The following SNX27 variants were observed in gnomAD, a reference collection of about 807,000 sequenced individuals.
SNX27 encodes the protein sorting nexin 27, also known as sorting nexin-27.
Under a neutral mutation model 71.6 loss-of-function variants are expected in SNX27, and 22 were observed. The ratio of observed to expected loss-of-function variants is 0.31; its 90% CI spans 0.22 to 0.44. The LOEUF is 0.44. Among genes scored for constraint, SNX27 ranks in the 20% least tolerant of loss-of-function variants. The pLI is 1.00. For synonymous variants in SNX27, 269 were observed against 277.2 expected, an observed-to-expected ratio of 0.97 and a Z score of 0.29; for missense variants, 531 against 698.6, an observed-to-expected ratio of 0.76 and a Z score of 2.70.
At chr1:151,687,847 CTG>C (rs1371414436) in intron 8 of SNX27, among the ~76,000 whole-genome samples, 1 of 151,390 alleles carries the variant, frequency 6.6e-6, no homozygotes, top group African/African-American at 2.4e-5. Context: ...ACTCAGGAGA[CTG>C]GGGCAGGAGA....
rs1667251752 is a variant in SNX27 at position 151,612,878 on chromosome 1, C to T, written c.311+366C>T. 6.6e-6 allele frequency among the ~76,000 whole-genome samples: 1 copy of T among 152,128 alleles called. No individual in the cohort carries two copies. The highest frequency in any genetic ancestry group is 6.5e-5 in the Admixed American group (1 of 15,278). On this transcript the variant is annotated intron_variant, in intron 1 of 11. Coordinates refer to ENST00000458013, the MANE Select transcript of SNX27 (RefSeq NM_001330723.2). This position sits in a 1 kb window ranked among gnomAD's most constrained non-coding sequence, Gnocchi z 5.2. The stretch of plus-strand genomic sequence containing the variant: ...TGCTCAGAAGGAACCTCATCTGCTC[C>T]TTACTGACGGCGTTTCGTTTTCTGA...
intron 1 of SNX27, among the ~76,000 whole-genome samples, chr1:151,622,499 TTTAC>T (rs1667721514): frequency 6.6e-6 from 1 of 152,206 alleles, no homozygotes; most frequent in Non-Finnish European, 1.5e-5. Context: ...CCTTTGATGA[TTTAC>T]TTGACTTGCA....
intron 7 of SNX27, among the ~76,000 whole-genome samples, chr1:151,681,233 A>ATAT (rs1558071789): frequency 1.1e-5 from 1 of 87,382 alleles, no homozygotes; most frequent in Non-Finnish European, 2.2e-5. Context: ...TAGTCTCTCA[A>ATAT]TCTTTTTTTT....
chr1:151,643,707 C>T lies in SNX27; in HGVS notation c.543+4588C>T, dbSNP rs551231927. Among the ~76,000 whole-genome samples, 4 of 152,080 alleles carry T rather than the reference C, an allele frequency of 2.6e-5. No homozygotes were observed. In the South Asian group the frequency reaches 8.3e-4, roughly 32 times the overall value. On this transcript the variant is annotated intron_variant, in intron 2 of 11. Coordinates refer to ENST00000458013, the MANE Select transcript of SNX27 (RefSeq NM_001330723.2). ...CAGAGTTTCGCTCTTGTTGCTCAGGCTAGAGTGCAATAGTGCAATCTCGGC... is the reference window on the plus strand; with the variant it reads ...CAGAGTTTCGCTCTTGTTGCTCAGGTTAGAGTGCAATAGTGCAATCTCGGC...
chr1:151,662,157 T>C lies in SNX27; in HGVS notation c.802-9T>C, dbSNP rs757941372. On this transcript the variant is annotated splice_polypyrimidine_tract_variant and intron_variant, in intron 4 of 11. Coordinates refer to ENST00000458013, the MANE Select transcript of SNX27 (RefSeq NM_001330723.2). Reference sequence around the variant, plus strand: ...GCCATAAATTATTTCTCTATGTCTTTTCCCCCAGAACTACAATGGTGTGTC... The same window carrying C: ...GCCATAAATTATTTCTCTATGTCTTCTCCCCCAGAACTACAATGGTGTGTC... 2.5e-6 allele frequency: 4 copies of C among 1,603,780 alleles called. No homozygotes were observed. The highest frequency in any genetic ancestry group is 3.4e-6 in the Non-Finnish European group (4 of 1,171,042).
chr1:151,681,233 A>ATTTT (rs1558071789), intron 7 of SNX27, among the ~76,000 whole-genome samples: 1 of 87,376 alleles, frequency 1.1e-5, no homozygotes, highest in African/African-American at 5.0e-5. Context: ...TAGTCTCTCA[A>ATTTT]TCTTTTTTTT....
intron 1 of SNX27, among the ~76,000 whole-genome samples, chr1:151,635,032 G>A (rs1465095558): frequency 6.6e-6 from 1 of 152,160 alleles, no homozygotes; most frequent in Non-Finnish European, 1.5e-5. Context: ...GAACCCCATT[G>A]TCATTGGTTG....
At chr1:151,619,834 A>G (rs1667593308) in intron 1 of SNX27, among the ~76,000 whole-genome samples, 1 of 152,212 alleles carries the variant, frequency 6.6e-6, no homozygotes, top group Non-Finnish European at 1.5e-5. Context: ...CTTGGCTTGT[A>G]TGAGTCACAG....
In SNX27 at chr1:151,668,511, A is replaced by G. The variant is rs954363272; in HGVS notation, c.1025A>G (p.Tyr342Cys). The G allele has an allele frequency of 5.0e-6, 8 of 1,613,644 alleles. No individual in the cohort carries two copies. Among genetic ancestry groups the G allele is most frequent in the African/African-American group, 1.3e-5 (1 of 74,938 alleles). ...LAPNEFPHKL[Y>C]IQNYTSAVPG... ...CCTAATGAGTTTCCTCACAAACTCT[A>G]CATTCAGAATTATACATCAGCTGTG... The change falls in exon 7 of 12, where the codon TAC (tyrosine) becomes TGC (cysteine). Residue 342 changes from tyrosine (Y) to cysteine (C), a missense_variant. Physicochemically the swap from Tyr to Cys is radical, Grantham distance 194. Coordinates refer to ENST00000458013, the MANE Select transcript of SNX27 (RefSeq NM_001330723.2).
In SNX27 at chr1:151,698,540, G is replaced by A. The variant is rs539779231; in HGVS notation, c.*4123G>A. 3 of 152,438 alleles carry A rather than the reference G, an allele frequency of 2.0e-5. No homozygotes were observed. The highest frequency in any genetic ancestry group is 7.2e-5 in the African/African-American group (3 of 41,578). The allele number at this position is 152,438 out of a possible 1,614,324, so 9.4% of individuals were successfully genotyped here. ...TGATGTGATAGAACACTCAGAGAGAGGGAGGGAGAAGAGAGATAGTGGGTA... is the reference window on the plus strand; with the variant it reads ...TGATGTGATAGAACACTCAGAGAGAAGGAGGGAGAAGAGAGATAGTGGGTA... On this transcript the variant is annotated 3_prime_UTR_variant, in exon 12 of 12. Coordinates refer to ENST00000458013, the MANE Select transcript of SNX27 (RefSeq NM_001330723.2).
chr1:151,625,880 A>C (rs1667906489), intron 1 of SNX27, among the ~76,000 whole-genome samples: 1 of 151,740 alleles, frequency 6.6e-6, no homozygotes, highest in Non-Finnish European at 1.5e-5. Flanking sequence ...CCTGGGAGGC[A>C]GAGGTTGTAG....
At chr1:151,687,340 T>C (rs1168078229) in intron 8 of SNX27, among the ~76,000 whole-genome samples, 1 of 152,214 alleles carries the variant, frequency 6.6e-6, no homozygotes, top group Non-Finnish European at 1.5e-5. Context: ...TGGAAGACAC[T>C]TTTGAAGCTG....
chr1:151,651,969 G>A (rs1490971244), intron 2 of SNX27, among the ~76,000 whole-genome samples: 1 of 152,190 alleles, frequency 6.6e-6, no homozygotes, highest in Non-Finnish European at 1.5e-5. Flanking sequence ...GGAGGCCGAG[G>A]CTGGCGGATC....
chr1:151,684,372 G>A (rs1482319698), intron 8 of SNX27, among the ~76,000 whole-genome samples: 1 of 152,182 alleles, frequency 6.6e-6, no homozygotes, highest in Non-Finnish European at 1.5e-5. Flanking sequence ...TAGCATATTG[G>A]ACTGTGCAGG....
intron 5 of SNX27, 69 bp downstream of exon 5, chr1:151,662,339 C>A: frequency 2.0e-6 from 2 of 993,234 alleles, no homozygotes; most frequent in South Asian, 1.4e-5. Context: ...TTAAATAAGT[C>A]AATACATATA....
At chr1:151,619,878 C>A (rs1031625122) in intron 1 of SNX27, among the ~76,000 whole-genome samples, 2 of 152,168 alleles carry the variant, frequency 1.3e-5, no homozygotes, top group African/African-American at 4.8e-5. Context: ...GAAGCTTACA[C>A]TGCAGTAGGG....
intron 1 of SNX27, among the ~76,000 whole-genome samples, chr1:151,637,810 A>AT (rs1668537631): frequency 6.6e-6 from 1 of 152,176 alleles, no homozygotes; most frequent in Admixed American, 6.6e-5. Flanking sequence ...ATTTAGTATC[A>AT]TTTTTCAGGA....
chr1:151,684,118 A>G (rs999391749), intron 8 of SNX27, among the ~76,000 whole-genome samples: 1 of 152,222 alleles, frequency 6.6e-6, no homozygotes, highest in Non-Finnish European at 1.5e-5. Context: ...TGATTTAGCA[A>G]TAGCAAAATC....
At chr1:151,674,097 G>A (rs1244616394) in intron 7 of SNX27, among the ~76,000 whole-genome samples, 3 of 152,044 alleles carry the variant, frequency 2.0e-5, no homozygotes, top group South Asian at 2.1e-4. Context: ...TTTTATGGTC[G>A]TTTTGTGATC....
Sources: allele counts gnomAD v4.1 joint callset (sites outside exome capture counted in the v4.1 genomes callset), GRCh38; gene constraint gnomAD v4.1.1; non-coding constraint Gnocchi (gnomAD v3.1); transcripts MANE v1.5; gene names NCBI Gene and HGNC (gene_info 2026-07-23, HGNC 2026-07-21).